The following PDE3B variants were observed in gnomAD, a reference collection of about 807,000 sequenced individuals.
The protein encoded by PDE3B is cGMP-inhibited 3',5'-cyclic phosphodiesterase 3B.
A neutral mutation model predicts 116.8 loss-of-function variants in PDE3B; 66 were observed. The observed-to-expected ratio is 0.56, with a 90% CI of 0.46 to 0.69. The LOEUF (loss-of-function observed/expected upper bound fraction) is 0.69. Among genes scored for constraint, PDE3B ranks in the 30% least tolerant of loss-of-function variants. The probability of loss-of-function intolerance (pLI) is 0.00; values close to 1 mark genes in which losing one functional copy is unlikely to be tolerated. For missense variants in PDE3B, 1,384 were observed against 1,368.1 expected, an observed-to-expected ratio of 1.01 and a Z score of -0.18; for synonymous variants, 595 against 533.6, an observed-to-expected ratio of 1.12 and a Z score of -1.59.
At chr11:14,659,426 TA>T (rs1277277532) in intron 1 of PDE3B, among the ~76,000 whole-genome samples, 2 of 152,344 alleles carry the variant, frequency 1.3e-5, no homozygotes, top group African/African-American at 4.8e-5. Flanking sequence ...ATAAATTTAC[TA>T]ATTTTAGTAG....
At chr11:14,754,006 G>A (rs775444073) in intron 1 of PDE3B, among the ~76,000 whole-genome samples, 9 of 151,698 alleles carry the variant, frequency 5.9e-5, no homozygotes, top group African/African-American at 1.2e-4. Context: ...GTCCTGTTTA[G>A]ATTATGTTAA....
intron 1 of PDE3B, among the ~76,000 whole-genome samples, chr11:14,662,687 C>G (rs1853970981): frequency 6.6e-6 from 1 of 152,206 alleles, no homozygotes; most frequent in Middle Eastern, 3.4e-3. Context: ...CTGATGCGAT[C>G]AACTGGAAGA....
intron 1 of PDE3B, among the ~76,000 whole-genome samples, chr11:14,665,477 T>C (rs1854106141): frequency 6.6e-6 from 1 of 152,180 alleles, no homozygotes; most frequent in African/African-American, 2.4e-5. Context: ...GAAGTCAAAT[T>C]GTCCCTGTTT....
chr11:14,675,743 C>T (rs778379926), intron 1 of PDE3B, among the ~76,000 whole-genome samples: 14 of 152,036 alleles, frequency 9.2e-5, no homozygotes, highest in Non-Finnish European at 2.1e-4. Flanking sequence ...TTTATGAATA[C>T]ATCACAATTT....
At chr11:14,876,250 C>T (rs1848187992), downstream of PDE3B, among the ~76,000 whole-genome samples, 1 of 152,098 alleles carries the variant, frequency 6.6e-6, no homozygotes, top group African/African-American at 2.4e-5. Context: ...GATGTGACGG[C>T]TCACACCTGT....
chr11:14,756,383 C>A (rs1349950742), intron 1 of PDE3B, among the ~76,000 whole-genome samples: 2 of 151,988 alleles, frequency 1.3e-5, no homozygotes, highest in African/African-American at 2.4e-5. Flanking sequence ...GCCATCGAAG[C>A]CTAAAGAGAC....
chr11:14,794,296 A>C (rs1269627214), intron 4 of PDE3B, among the ~76,000 whole-genome samples: 1 of 149,672 alleles, frequency 6.7e-6, no homozygotes, highest in Non-Finnish European at 1.5e-5. Context: ...GTGTCCTATA[A>C]TTCAATTATT....
At chr11:14,896,951 A>G in the PDE3B span, among the ~76,000 whole-genome samples, 1 of 152,246 alleles carries the variant, frequency 6.6e-6, no homozygotes, top group Non-Finnish European at 1.5e-5. Context: ...GAGACATCTG[A>G]CAATCTGATA....
chr11:14,714,024 G>A (rs1246626226), intron 1 of PDE3B, among the ~76,000 whole-genome samples: 2 of 152,102 alleles, frequency 1.3e-5, no homozygotes, highest in African/African-American at 4.8e-5. Flanking sequence ...CTAGTACTTG[G>A]TGGTAGTGTG....
chr11:14,678,504 T>A (rs997676941), intron 1 of PDE3B, among the ~76,000 whole-genome samples: 3 of 152,192 alleles, frequency 2.0e-5, no homozygotes, highest in Admixed American at 6.5e-5. Flanking sequence ...CAGCACTTGG[T>A]ATTGTTAGTA....
the PDE3B span, chr11:14,886,001 G>A: frequency 8.5e-5 from 113 of 1,334,064 alleles, 1 homozygote; most frequent in African/African-American, 7.2e-4. Flanking sequence ...TGGTAAGTGC[G>A]GCTCTTCCAG....
intron 1 of PDE3B, among the ~76,000 whole-genome samples, chr11:14,658,738 C>T (rs1853795241): frequency 6.6e-6 from 1 of 152,158 alleles, no homozygotes; most frequent in African/African-American, 2.4e-5. Flanking sequence ...TGCCTTTGTT[C>T]ATTTGTTTCT....
At chr11:14,886,815 C>T in the PDE3B span, 10 of 152,312 alleles carry the variant, frequency 6.6e-5, no homozygotes, top group African/African-American at 2.4e-4. Flanking sequence ...ATGGTACACA[C>T]TACTTCAGAA....
In PDE3B at chr11:14,809,892, A is replaced by ATT. The variant is rs71044025; in HGVS notation, c.1522+5853_1522+5854dup. Among the ~76,000 whole-genome samples the ATT allele has an allele frequency of 5.0e-3, 740 of 148,528 alleles. 9 individuals are homozygous for ATT. The highest frequency in any genetic ancestry group is 0.017 in the African/African-American group (681 of 40,528). Reference sequence around the variant, plus strand: ...GTTTACAAATTGCCCAGACTAAAGTATTTTTTTTTTTTAGGTGGTATAGAT... The same window carrying ATT: ...GTTTACAAATTGCCCAGACTAAAGTATTTTTTTTTTTTTTAGGTGGTATAGAT... On this transcript the variant is annotated intron_variant, in intron 5 of 15. Transcript: ENST00000282096.
intron 1 of PDE3B, among the ~76,000 whole-genome samples, chr11:14,680,162 C>T (rs1053763542): frequency 1.3e-5 from 2 of 152,164 alleles, no homozygotes; most frequent in African/African-American, 4.8e-5. Flanking sequence ...TGGACCTCAA[C>T]CTCTCTGAAG....
intron 13 of PDE3B, 96 bp downstream of exon 13, chr11:14,859,342 C>T (rs1847905741): frequency 2.7e-6 from 2 of 739,528 alleles, no homozygotes; most frequent in Non-Finnish European, 4.3e-6. Flanking sequence ...ATTATTACTA[C>T]TTAGGAAGTA....
At chr11:14,773,270 G>A (rs1857696085) in intron 2 of PDE3B, 1 of 151,810 alleles carries the variant, frequency 6.6e-6, no homozygotes, top group Non-Finnish European at 1.5e-5. Flanking sequence ...CATTGTTTAT[G>A]TTTGTTAAAC....
intron 1 of PDE3B, among the ~76,000 whole-genome samples, chr11:14,663,969 T>C (rs1854031224): frequency 6.6e-6 from 1 of 152,150 alleles, no homozygotes; most frequent in African/African-American, 2.4e-5. Context: ...ATACATTTTT[T>C]TCAGCACCAC....
chr11:14,656,445 A>G (rs1027135776), intron 1 of PDE3B, among the ~76,000 whole-genome samples: 6 of 152,160 alleles, frequency 3.9e-5, no homozygotes, highest in African/African-American at 1.2e-4. Flanking sequence ...GTTAACCTTT[A>G]GTGAAGAAAA....
Sources: gnomAD v4.1 joint callset for allele counts (sites outside exome capture counted in the v4.1 genomes callset) on GRCh38, gnomAD v4.1.1 for gene constraint, MANE v1.5 for transcripts, NCBI Gene and HGNC (gene_info 2026-07-23, HGNC 2026-07-21) for gene names.